Variants in LRBA observed in about 807,000 individuals in gnomAD.
LRBA encodes the protein LPS responsive beige-like anchor protein, also known as lipopolysaccharide-responsive and beige-like anchor protein.
Under a neutral mutation model 330.0 loss-of-function variants are expected in LRBA, and 176 were observed. That is an observed-to-expected ratio of 0.53 (90% CI 0.47 to 0.60). LRBA has a LOEUF of 0.60. LRBA is among the 20% of genes least tolerant of loss of function. The pLI, the probability that LRBA is intolerant of heterozygous loss-of-function variation, is 0.00. For synonymous variants in LRBA, 1,230 were observed against 1,193.0 expected (o/e 1.03, Z -0.64); for missense variants, 3,259 against 3,444.8 (o/e 0.95, Z 1.35).
At chr4:150,645,214 T>A (rs1196736634) in intron 37 of LRBA, among the ~76,000 whole-genome samples, 1 of 151,376 alleles carries the variant, frequency 6.6e-6, no homozygotes, top group African/African-American at 2.4e-5. Flanking sequence ...TTTTTTTTTT[T>A]TCTGAGAAAA....
intron 48 of LRBA, among the ~76,000 whole-genome samples, chr4:150,346,922 G>A (rs765432807): frequency 6.6e-6 from 1 of 151,862 alleles, no homozygotes; most frequent in Non-Finnish European, 1.5e-5. Context: ...CCATACTCTT[G>A]GCCACATTGT....
chr4:150,830,566 C>T (rs1276032974), intron 29 of LRBA, among the ~76,000 whole-genome samples: 2 of 152,020 alleles, frequency 1.3e-5, no homozygotes, highest in Admixed American at 6.6e-5. Context: ...CAAACATCAT[C>T]TGAAACAGGG....
chr4:151,003,796 C>T (rs957591541), intron 2 of LRBA, among the ~76,000 whole-genome samples: 3 of 149,962 alleles, frequency 2.0e-5, no homozygotes, highest in Admixed American at 6.7e-5. Context: ...TGTCTCAAAA[C>T]AAAAAGAAAA....
intron 53 of LRBA, among the ~76,000 whole-genome samples, chr4:150,293,557 G>C (rs1728592939): frequency 6.6e-6 from 1 of 152,188 alleles, no homozygotes; most frequent in African/African-American, 2.4e-5. Flanking sequence ...GGAAATTTTA[G>C]TAGCAACTTC....
intron 2 of LRBA, among the ~76,000 whole-genome samples, chr4:150,947,226 CAA>C (rs543016036): frequency 5.5e-5 from 7 of 126,938 alleles, no homozygotes; most frequent in Admixed American, 8.0e-5. Context: ...AAGACAGTAC[CAA>C]AAAAAAAAAA....
At chr4:150,769,236 T>G (rs914335919) in intron 34 of LRBA, among the ~76,000 whole-genome samples, 4 of 152,076 alleles carry the variant, frequency 2.6e-5, no homozygotes, top group Non-Finnish European at 4.4e-5. Flanking sequence ...TGAGCCACCA[T>G]GCCCGGCCTA....
intron 47 of LRBA, among the ~76,000 whole-genome samples, chr4:150,359,763 G>A (rs1738403141): frequency 6.6e-6 from 1 of 151,944 alleles, no homozygotes; most frequent in Non-Finnish European, 1.5e-5. Context: ...GGTGGATCAC[G>A]AGGTTAGGAG....
At chr4:150,527,857 G>A (rs1763637405) in intron 40 of LRBA, among the ~76,000 whole-genome samples, 2 of 152,212 alleles carry the variant, frequency 1.3e-5, no homozygotes, top group African/African-American at 2.4e-5. Context: ...GAGGGCAGAT[G>A]CAGTGGATTC....
At chr4:150,821,265 G>T (rs2126784119) in intron 30 of LRBA, among the ~76,000 whole-genome samples, 1 of 152,156 alleles carries the variant, frequency 6.6e-6, no homozygotes, top group Admixed American at 6.5e-5. Flanking sequence ...AATATTAAAA[G>T]AGATAAAAAT....
intron 40 of LRBA, chr4:150,579,305 G>GGAAGGACCAGAGGAAGGACCAGAGGA (rs1314059251): frequency 5.3e-5 from 24 of 456,302 alleles, no homozygotes; most frequent in Non-Finnish European, 8.8e-6. Flanking sequence ...CAGAGGAAGA[G>GGAAGGACCAGAGGAAGGACCAGAGGA]AGGACCGCAA....
At chr4:150,859,004 CTAAA>C (rs920263434) in intron 22 of LRBA, among the ~76,000 whole-genome samples, 1 of 152,052 alleles carries the variant, frequency 6.6e-6, no homozygotes, top group African/African-American at 2.4e-5. Context: ...TTTACCCAAT[CTAAA>C]TGGTAGTTTT....
chr4:150,761,967 G>A, intron 34 of LRBA, 120 bp from the exon 35 acceptor site: 1 of 633,122 alleles, frequency 1.6e-6, no homozygotes, highest in South Asian at 2.2e-5. Context: ...TAAAAGTTAT[G>A]TTAAACCATA....
intron 35 of LRBA, among the ~76,000 whole-genome samples, chr4:150,736,443 GA>G (rs1731185597): frequency 6.6e-6 from 1 of 150,922 alleles, no homozygotes; most frequent in South Asian, 2.1e-4. Flanking sequence ...AACTGTAGAA[GA>G]ACTGAAAAAA....
intron 47 of LRBA, among the ~76,000 whole-genome samples, chr4:150,375,354 C>G (rs1741105559): frequency 6.6e-6 from 1 of 152,104 alleles, no homozygotes; most frequent in African/African-American, 2.4e-5. Context: ...ATCAGAACAC[C>G]TATTAATAAA....
intron 46 of LRBA, among the ~76,000 whole-genome samples, chr4:150,432,982 C>G (rs530748084): frequency 2.0e-5 from 3 of 152,186 alleles, no homozygotes; most frequent in Admixed American, 2.0e-4. Flanking sequence ...GGTAATTTAT[C>G]AATGCCCTAC....
intron 4 of LRBA, among the ~76,000 whole-genome samples, chr4:150,927,602 G>C (rs1734024206): frequency 6.6e-6 from 1 of 152,058 alleles, no homozygotes; most frequent in Non-Finnish European, 1.5e-5. Flanking sequence ...AGAAAAGACA[G>C]GAAGCGGGGA....
At chr4:150,569,447 T>C (rs1769563853) in intron 40 of LRBA, among the ~76,000 whole-genome samples, 1 of 152,186 alleles carries the variant, frequency 6.6e-6, no homozygotes, top group African/African-American at 2.4e-5. Context: ...AGTATACTTC[T>C]GAATCTGGAG....
At chr4:150,641,518 T>A (rs569495399) in intron 37 of LRBA, among the ~76,000 whole-genome samples, 12 of 152,278 alleles carry the variant, frequency 7.9e-5, no homozygotes, top group African/African-American at 2.9e-4. Flanking sequence ...TTAAGCAGAA[T>A]CTCAGCATCT....
At chr4:150,894,547 C>T (rs145096386) in intron 16 of LRBA, among the ~76,000 whole-genome samples, 7 of 152,186 alleles carry the variant, frequency 4.6e-5, no homozygotes, top group African/African-American at 1.7e-4. Context: ...CAATACTGAC[C>T]CAAAAAGGAA....
Sources: gnomAD v4.1 joint callset for allele counts (sites outside exome capture counted in the v4.1 genomes callset) on GRCh38, gnomAD v4.1.1 for gene constraint, MANE v1.5 for transcripts, NCBI Gene and HGNC (gene_info 2026-07-23, HGNC 2026-07-21) for gene names.